SGCD: variants seen among roughly 807,000 people sequenced by gnomAD.
The protein encoded by SGCD is delta-sarcoglycan.
Under a neutral mutation model 36.6 loss-of-function variants are expected in SGCD, and 18 were observed. That is an observed-to-expected ratio of 0.49 (90% CI 0.34 to 0.73). The LOEUF (loss-of-function observed/expected upper bound fraction) is 0.73. Among genes scored for constraint, SGCD ranks in the 30% least tolerant of loss-of-function variants. The pLI is 0.01. For synonymous variants in SGCD, 133 were observed against 130.6 expected (o/e 1.02, Z -0.12); for missense variants, 387 against 346.7 (o/e 1.12, Z -0.92).
In SGCD at chr5:156,350,247, T is replaced by TTATATATATATATATATATATATA. The variant is rs59107352; in HGVS notation, c.192+5587_192+5588insATATATATATATATATATATATAT. Among the ~76,000 whole-genome samples, 246 of 95,724 alleles carry TTATATATATATATATATATATATA rather than the reference T, an allele frequency of 2.6e-3. 10 individuals are homozygous for TTATATATATATATATATATATATA. Among genetic ancestry groups the TTATATATATATATATATATATATA allele is most frequent in the South Asian group, 4.2e-3 (10 of 2,388 alleles). The allele number at this position is 95,724 out of a possible 152,430, so 62.8% of individuals were successfully genotyped here. A position where few individuals can be genotyped will look rare whatever the true frequency, so the allele number is the denominator to read the frequency against. On this transcript the variant is annotated intron_variant, in intron 3 of 8. Coordinates refer to ENST00000337851, the MANE Select transcript of SGCD (RefSeq NM_000337.6). ...CTCTAAAGCTATTGAGGAAAAAAAA[T>TTATATATATATATATATATATATA]TATATATATATATATATGTACACAC...
At chr5:156,497,911 C>A (rs1041952402) in intron 3 of SGCD, among the ~76,000 whole-genome samples, 3 of 152,144 alleles carry the variant, frequency 2.0e-5, no homozygotes, top group Non-Finnish European at 4.4e-5. Flanking sequence ...ATAATGCTCC[C>A]TAGAAAAGAA....
intron 3 of SGCD, among the ~76,000 whole-genome samples, chr5:156,424,383 A>G (rs1009324788): frequency 2.0e-5 from 3 of 152,000 alleles, no homozygotes; most frequent in South Asian, 2.1e-4. Flanking sequence ...GTGGCCTCCA[A>G]TTCTCCACAA....
chr5:156,589,019 T>C (rs959406362), intron 4 of SGCD, among the ~76,000 whole-genome samples: 3 of 152,046 alleles, frequency 2.0e-5, no homozygotes, highest in Non-Finnish European at 2.9e-5. Flanking sequence ...TGTGTGTGTG[T>C]GTGTGCATTT....
At chr5:156,321,436 T>TAAATAAATAAATAAAC (rs1767665467) in intron 3 of SGCD, among the ~76,000 whole-genome samples, 2 of 114,620 alleles carry the variant, frequency 1.7e-5, no homozygotes, top group East Asian at 4.6e-4. Flanking sequence ...AATAAACAAA[T>TAAATAAATAAATAAAC]AAATAAATAA....
At chr5:156,336,419 T>TA (rs1768357760) in intron 2 of SGCD, among the ~76,000 whole-genome samples, 1 of 152,248 alleles carries the variant, frequency 6.6e-6, no homozygotes, top group African/African-American at 2.4e-5. Flanking sequence ...TAGAAAAAGT[T>TA]ACATTTTCAT....
intron 3 of SGCD, among the ~76,000 whole-genome samples, chr5:156,315,044 A>G (rs1374577339): frequency 6.6e-6 from 1 of 151,950 alleles, no homozygotes; most frequent in Non-Finnish European, 1.5e-5. Context: ...CATAGTTACC[A>G]TTTTTTCTGT....
At chr5:155,806,850 T>G in the SGCD span, among the ~76,000 whole-genome samples, 1 of 152,200 alleles carries the variant, frequency 6.6e-6, no homozygotes, top group Non-Finnish European at 1.5e-5. Context: ...AGCGATCTGA[T>G]TAATTTGTTA....
At chr5:155,990,502 G>T (rs957961312) in intron 1 of SGCD, among the ~76,000 whole-genome samples, 3 of 152,116 alleles carry the variant, frequency 2.0e-5, no homozygotes, top group Admixed American at 6.6e-5. Flanking sequence ...GGCAGGATGG[G>T]ATTTCCACAT....
At chr5:156,585,559 A>G (rs902964792) in intron 4 of SGCD, among the ~76,000 whole-genome samples, 14 of 152,190 alleles carry the variant, frequency 9.2e-5, no homozygotes, top group Non-Finnish European at 8.8e-5. Flanking sequence ...AGAAGTCACT[A>G]TGTTCTGACT....
chr5:156,579,382 T>C (rs1760139066), intron 4 of SGCD, among the ~76,000 whole-genome samples: 1 of 152,240 alleles, frequency 6.6e-6, no homozygotes. Flanking sequence ...GAAGAATGTA[T>C]ATTCTGTTGA....
chr5:156,476,739 C>A (rs2202430), intron 3 of SGCD, among the ~76,000 whole-genome samples: 1 of 152,158 alleles, frequency 6.6e-6, no homozygotes, highest in East Asian at 1.9e-4. Context: ...AAATTGTCAC[C>A]TGAGGGAGGA....
At chr5:156,021,201 G>A (rs561084842) in intron 1 of SGCD, among the ~76,000 whole-genome samples, 3 of 152,116 alleles carry the variant, frequency 2.0e-5, no homozygotes, top group African/African-American at 7.2e-5. Flanking sequence ...GAAAAAAACA[G>A]GGAGAAAAGG....
intron 1 of SGCD, among the ~76,000 whole-genome samples, chr5:155,899,381 C>T (rs189759765): frequency 1.2e-4 from 19 of 152,284 alleles, no homozygotes; most frequent in Non-Finnish European, 2.1e-4. Context: ...TGTATCTTAG[C>T]TCTAACCCTG....
chr5:156,394,199 G>T (rs989056635), intron 3 of SGCD, among the ~76,000 whole-genome samples: 6 of 152,126 alleles, frequency 3.9e-5, no homozygotes, highest in Non-Finnish European at 5.9e-5. Context: ...TTGTTTGGGG[G>T]GTGGTGGGAA....
chr5:155,787,541 A>C, the SGCD span, among the ~76,000 whole-genome samples: 30 of 152,260 alleles, frequency 2.0e-4, 1 homozygote, highest in South Asian at 4.6e-3. Flanking sequence ...CTGCGAATGG[A>C]AGGAATGTGG....
At chr5:156,203,314 A>C (rs535003475) in intron 3 of SGCD, among the ~76,000 whole-genome samples, 1 of 152,120 alleles carries the variant, frequency 6.6e-6, no homozygotes, top group African/African-American at 2.4e-5. Flanking sequence ...CAAGATCACC[A>C]TAAGAATGAA....
intron 3 of SGCD, among the ~76,000 whole-genome samples, chr5:156,191,963 C>G (rs1763903400): frequency 6.6e-6 from 1 of 152,176 alleles, no homozygotes; most frequent in South Asian, 2.1e-4. Flanking sequence ...TAATGCATTC[C>G]AAAATGAATC....
At chr5:156,725,879 ACT>A (rs1341275287) in intron 7 of SGCD, among the ~76,000 whole-genome samples, 1 of 151,890 alleles carries the variant, frequency 6.6e-6, no homozygotes, top group Non-Finnish European at 1.5e-5. Flanking sequence ...CCAATCAACA[ACT>A]CTTAATTATC....
chr5:156,468,341 CAAAAAAAAA>C (rs60364292), intron 3 of SGCD, among the ~76,000 whole-genome samples: 3 of 110,930 alleles, frequency 2.7e-5, no homozygotes, highest in African/African-American at 1.1e-4. Context: ...GACCTTGTCT[CAAAAAAAAA>C]AAAAAAAAAA....
Sources: gnomAD v4.1 joint callset for allele counts (sites outside exome capture counted in the v4.1 genomes callset) on GRCh38, gnomAD v4.1.1 for gene constraint, MANE v1.5 for transcripts, NCBI Gene and HGNC (gene_info 2026-07-23, HGNC 2026-07-21) for gene names.